GTF2IRD2: variants seen among roughly 807,000 people sequenced by gnomAD.
GTF2IRD2 encodes general transcription factor II-I repeat domain-containing protein 2A.
GTF2IRD2 carries 8 observed loss-of-function variants against 49.2 expected under a neutral mutation model. That is an observed-to-expected ratio of 0.16 (90% CI 0.10 to 0.29). The LOEUF (loss-of-function observed/expected upper bound fraction) is 0.29. GTF2IRD2 is among the 10% of genes least tolerant of loss of function. The probability of loss-of-function intolerance (pLI) is 1.00; values close to 1 mark genes in which losing one functional copy is unlikely to be tolerated. For synonymous variants in GTF2IRD2, 47 were observed against 289.7 expected (o/e 0.16, Z 8.51); for missense variants, 130 against 725.7 (o/e 0.18, Z 9.43).
intron 3 of GTF2IRD2, among the ~76,000 whole-genome samples, chr7:74,829,609 C>T (rs1165043111): frequency 1.3e-5 from 2 of 148,580 alleles, no homozygotes; most frequent in African/African-American, 2.5e-5. Context: ...GGGCTGGGCG[C>T]GGTGGCTCAC....
At chr7:74,842,713 G>A (rs1398698675) in intron 1 of GTF2IRD2, among the ~76,000 whole-genome samples, 7 of 143,136 alleles carry the variant, frequency 4.9e-5, no homozygotes, top group East Asian at 2.0e-4. Flanking sequence ...CATGTGCCAC[G>A]ACACTCAGCT....
rs1343651474 is a variant in GTF2IRD2 at position 74,815,837 on chromosome 7, A to G, written c.671-3021T>C. Among the ~76,000 whole-genome samples the G allele has an allele frequency of 3.7e-4, 37 of 101,176 alleles. No individual in the cohort carries two copies. The East Asian group carries it at 5.8e-3, about 16-fold the overall frequency. The allele number at this position is 101,176 out of a possible 152,430, so 66.4% of individuals were successfully genotyped here. On this transcript the variant is annotated intron_variant, in intron 8 of 15. Coordinates refer to ENST00000451013, the MANE Select transcript of GTF2IRD2 (RefSeq NM_173537.5). The stretch of plus-strand genomic sequence containing the variant: ...AAGAAAGAAAGAAAGAAAGAAAGAA[A>G]GAAAGAAAGAAAGAAAGAAAGAAAG...
At chr7:74,829,645 G>T (rs1247005661) in intron 3 of GTF2IRD2, among the ~76,000 whole-genome samples, 1 of 149,096 alleles carries the variant, frequency 6.7e-6, no homozygotes, top group Non-Finnish European at 1.5e-5. Flanking sequence ...CTTTTGGGAG[G>T]CTGAGGAGGG....
chr7:74,836,872 A>ACT, intron 1 of GTF2IRD2, among the ~76,000 whole-genome samples: 1 of 129,720 alleles, frequency 7.7e-6, no homozygotes, highest in South Asian at 2.5e-4. Flanking sequence ...AACCCTGCTA[A>ACT]CTCTCTTTCT....
intron 1 of GTF2IRD2, among the ~76,000 whole-genome samples, chr7:74,840,376 G>A (rs1198641918): frequency 1.1e-5 from 1 of 93,382 alleles, no homozygotes; most frequent in Non-Finnish European, 2.0e-5. Context: ...TTACAGGCGT[G>A]AGCCACCGCA....
At chr7:74,826,384 C>T (rs1392757992) in intron 3 of GTF2IRD2, among the ~76,000 whole-genome samples, 1 of 140,136 alleles carries the variant, frequency 7.1e-6, no homozygotes, top group Non-Finnish European at 1.6e-5. Flanking sequence ...CTCAGCCTCC[C>T]TAGTAACTGG....
At chr7:74,810,849 A>G in intron 10 of GTF2IRD2, 47 bp downstream of exon 10, 1 of 431,904 alleles carries the variant, frequency 2.3e-6, no homozygotes, top group Non-Finnish European at 3.5e-6. Context: ...ATAAACTTCT[A>G]TAAACTTTTC....
chr7:74,848,833 T>TA (rs1401066964), intron 1 of GTF2IRD2, among the ~76,000 whole-genome samples: 14 of 63,048 alleles, frequency 2.2e-4, no homozygotes, highest in Non-Finnish European at 3.7e-4. Context: ...GAGACTGTCT[T>TA]AAAAAAAAAA....
intron 8 of GTF2IRD2, among the ~76,000 whole-genome samples, chr7:74,815,797 G>GGAAGGAAA (rs1360006859): frequency 4.4e-5 from 2 of 45,914 alleles, no homozygotes; most frequent in Non-Finnish European, 8.6e-5. Flanking sequence ...AAAGAAAGAA[G>GGAAGGAAA]GAAAGAAAGA....
intron 4 of GTF2IRD2, 109 bp from the exon 5 acceptor site, chr7:74,822,916 A>T (rs1430410022): frequency 7.6e-7 from 1 of 1,319,306 alleles, no homozygotes; most frequent in Non-Finnish European, 1.0e-6. Flanking sequence ...TCGCTCTGCC[A>T]CCCAGGCTGG....
At chr7:74,839,989 G>A (rs1554421553) in intron 1 of GTF2IRD2, among the ~76,000 whole-genome samples, 2,105 of 132,192 alleles carry the variant, frequency 0.016, 3 homozygotes, top group Non-Finnish European at 0.024. Context: ...AACAGAGTAA[G>A]ATTCCGTCTA....
At chr7:74,829,720 C>CAAAA (rs1156848156) in intron 3 of GTF2IRD2, among the ~76,000 whole-genome samples, 4 of 88,298 alleles carry the variant, frequency 4.5e-5, no homozygotes, top group African/African-American at 1.7e-4. Flanking sequence ...TCTCAAAATA[C>CAAAA]AAAAAAAAAA....
rs782722890 is a variant in GTF2IRD2, at chr7:74,797,851, AT to A, written c.1660del (p.Ile554SerfsTer4). ...FVAYSIAIDE[I>X]TDINNTTQLA... ...CTGGGTGGTATTATTTATATCCGTG[AT>A]CTCATCGATTGCGATAGAATATGCC... On this transcript the variant is annotated frameshift_variant, in exon 16 of 16. Coordinates refer to ENST00000451013, the MANE Select transcript of GTF2IRD2 (RefSeq NM_173537.5). LOFTEE classifies it high-confidence loss of function. 7.9e-7 allele frequency: 1 copy of A among 1,265,912 alleles called. No homozygotes were observed. Among genetic ancestry groups the A allele is most frequent in the Admixed American group, 2.0e-5 (1 of 49,606 alleles). The allele number at this position is 1,265,912 out of a possible 1,614,324, so 78.4% of individuals were successfully genotyped here.
intron 8 of GTF2IRD2, among the ~76,000 whole-genome samples, chr7:74,818,453 T>G (rs1211586990): frequency 1.3e-4 from 7 of 55,690 alleles, no homozygotes; most frequent in African/African-American, 2.8e-4. Context: ...TCCCTCTCTC[T>G]CTCTCTTTTT....
At chr7:74,842,006 C>T (rs1800874692) in intron 1 of GTF2IRD2, among the ~76,000 whole-genome samples, 1 of 129,394 alleles carries the variant, frequency 7.7e-6, no homozygotes, top group Non-Finnish European at 1.6e-5. Context: ...CGCCTGTAGT[C>T]CCAGCTACTC....
At chr7:74,836,193 C>G (rs1376491600) in intron 2 of GTF2IRD2, 87 bp downstream of exon 2, 1 of 1,517,956 alleles carries the variant, frequency 6.6e-7, no homozygotes, top group Non-Finnish European at 9.0e-7. Flanking sequence ...AGAAAAAAAA[C>G]AAAAGGGATA....
intron 3 of GTF2IRD2, among the ~76,000 whole-genome samples, chr7:74,827,913 C>T (rs1402543234): frequency 6.4e-4 from 21 of 32,720 alleles, no homozygotes; most frequent in East Asian, 4.0e-3. Context: ...CTCCACCTCC[C>T]GGGTTCAAGC....
intron 3 of GTF2IRD2, among the ~76,000 whole-genome samples, chr7:74,826,721 TTTTTTTTTTTG>T: frequency 2.7e-5 from 2 of 73,464 alleles, no homozygotes; most frequent in Admixed American, 1.3e-4. Context: ...TTTTTTTTTT[TTTTTTTTTTTG>T]AGAGAGTCTT....
intron 15 of GTF2IRD2, among the ~76,000 whole-genome samples, chr7:74,800,164 T>C (rs1797431088): frequency 1.5e-5 from 2 of 137,696 alleles, no homozygotes; most frequent in African/African-American, 5.4e-5. Flanking sequence ...CAGATGCGTT[T>C]GGGAATAAAA....
Sources: gnomAD v4.1 joint callset for allele counts (sites outside exome capture counted in the v4.1 genomes callset) on GRCh38, gnomAD v4.1.1 for gene constraint, MANE v1.5 for transcripts, NCBI Gene and HGNC (gene_info 2026-07-23, HGNC 2026-07-21) for gene names.